SLC16A10: variants seen among roughly 807,000 people sequenced by gnomAD.
SLC16A10 encodes the protein monocarboxylate transporter 10.
SLC16A10 carries 27 observed loss-of-function variants against 40.0 expected under a neutral mutation model. The observed-to-expected ratio is 0.67, with a 90% CI of 0.50 to 0.93. The LOEUF is 0.93. Ranked by LOEUF, SLC16A10 falls within the 40% of genes least tolerant of loss-of-function variation. The pLI, the probability that SLC16A10 is intolerant of heterozygous loss-of-function variation, is 0.00. For missense variants in SLC16A10, 529 were observed against 658.2 expected, an observed-to-expected ratio of 0.80 and a Z score of 2.15; for synonymous variants, 213 against 249.8, an observed-to-expected ratio of 0.85 and a Z score of 1.39.
chr6:111,119,942 C>T (rs1165179992), intron 1 of SLC16A10, among the ~76,000 whole-genome samples: 1 of 152,178 alleles, frequency 6.6e-6, no homozygotes, highest in African/African-American at 2.4e-5. Flanking sequence ...GAATTTCTTT[C>T]AAACTATTAG....
At chr6:111,184,072 A>C (rs1772851631) in intron 3 of SLC16A10, among the ~76,000 whole-genome samples, 1 of 152,204 alleles carries the variant, frequency 6.6e-6, no homozygotes, top group African/African-American at 2.4e-5. Context: ...TCTCATCGGC[A>C]TGAAATGCTC....
intron 4 of SLC16A10, among the ~76,000 whole-genome samples, chr6:111,209,685 G>A (rs1356971936): frequency 6.6e-6 from 1 of 152,130 alleles, no homozygotes; most frequent in Non-Finnish European, 1.5e-5. Flanking sequence ...CTAAGGAGAT[G>A]GAAAGGGAGT....
chr6:111,219,036 A>G lies in SLC16A10; in HGVS notation c.1309A>G (p.Ile437Val). The change falls in exon 5 of 6, where the codon ATT becomes GTT. Residue 437 changes from isoleucine (I) to valine (V), a missense_variant. By Grantham distance (29) the Ile-to-Val change is conservative. Coordinates refer to ENST00000368851, the MANE Select transcript of SLC16A10 (RefSeq NM_018593.5). Reference sequence around the variant, plus strand: ...TATACCCATGACTGTTGGCCCACCCATTGCAGGTAAATATAATGATTCTCC... The same window carrying G: ...TATACCCATGACTGTTGGCCCACCCGTTGCAGGTAAATATAATGATTCTCC... ...MSIPMTVGPP[I>V]AGLLRDKLGS... 1.2e-6 allele frequency: 2 copies of G among 1,613,392 alleles called. No individual in the cohort carries two copies. The highest frequency in any genetic ancestry group is 1.7e-6 in the Non-Finnish European group (2 of 1,179,310).
At chr6:111,212,926 A>T (rs904069778) in intron 4 of SLC16A10, among the ~76,000 whole-genome samples, 1 of 152,162 alleles carries the variant, frequency 6.6e-6, no homozygotes, top group Admixed American at 6.5e-5. Context: ...TATATACTTT[A>T]TTGGGACAGG....
At chr6:111,188,184 A>C (rs1772931161) in intron 3 of SLC16A10, among the ~76,000 whole-genome samples, 1 of 152,108 alleles carries the variant, frequency 6.6e-6, no homozygotes, top group Non-Finnish European at 1.5e-5. Flanking sequence ...AAAGGCTTAA[A>C]ATATTAATTT....
Position 111,087,792 on chromosome 6 carries a change from A to C in SLC16A10, c.40A>C (p.Thr14Pro). The C allele has an allele frequency of 1.1e-5, 13 of 1,225,126 alleles. No homozygotes were observed. Among genetic ancestry groups the C allele is most frequent in the Non-Finnish European group, 4.1e-6 (4 of 984,800 alleles). 75.9% of individuals were successfully genotyped at this position (1,225,126 alleles called of 1,614,324 possible). A position where few individuals can be genotyped will look rare whatever the true frequency, so the allele number is the denominator to read the frequency against. Residue 14 changes from threonine to proline, a missense_variant, in exon 1 of 6, where the codon ACG (threonine) becomes CCG (proline). Transcript: ENST00000368851. ...SQEEPDSARG[T>P]SEAQPLGPAP... ...GGAGGAGCCGGACTCCGCGCGGGGC[A>C]CGAGCGAGGCGCAGCCGCTCGGCCC...
intron 1 of SLC16A10, among the ~76,000 whole-genome samples, chr6:111,163,120 C>T (rs1023678721): frequency 2.9e-4 from 42 of 146,236 alleles, no homozygotes; most frequent in Non-Finnish European, 5.3e-4. Context: ...TTGGTTATTT[C>T]TGAGCTTTAC....
chr6:111,112,198 TA>T lies in SLC16A10; in HGVS notation c.343+24112del, dbSNP rs1451401088. On this transcript the variant is annotated intron_variant, in intron 1 of 5. Coordinates refer to ENST00000368851, the MANE Select transcript of SLC16A10 (RefSeq NM_018593.5). ...GCATGCACCACCATGCCTGGCTAATTAAAAAAAAATTTTTTTTTTCTAGAGA... is the reference window on the plus strand; with the variant it reads ...GCATGCACCACCATGCCTGGCTAATTAAAAAAAATTTTTTTTTTCTAGAGA... Among the ~76,000 whole-genome samples the T allele has an allele frequency of 9.0e-4, 137 of 151,686 alleles. 1 individual carries two copies. Among genetic ancestry groups the T allele is most frequent in the African/African-American group, 3.2e-3 (133 of 41,388 alleles).
chr6:111,098,966 GTGTTA>G (rs947640650), intron 1 of SLC16A10, among the ~76,000 whole-genome samples: 5 of 152,134 alleles, frequency 3.3e-5, no homozygotes, highest in Non-Finnish European at 5.9e-5. Flanking sequence ...TTAGTTGTAG[GTGTTA>G]TGTTTTGTCT....
At chr6:111,130,325 A>C (rs904011813) in intron 1 of SLC16A10, among the ~76,000 whole-genome samples, 2 of 152,180 alleles carry the variant, frequency 1.3e-5, no homozygotes, top group Non-Finnish European at 2.9e-5. Flanking sequence ...CTTCTCTACT[A>C]TGGGAACTTG....
intron 1 of SLC16A10, among the ~76,000 whole-genome samples, chr6:111,132,258 AAG>A (rs1356795036): frequency 6.7e-6 from 1 of 148,518 alleles, no homozygotes; most frequent in Non-Finnish European, 1.5e-5. Flanking sequence ...CAAAGAGAAA[AAG>A]AAAGAGAAAG....
Position 111,119,407 on chromosome 6 carries a change from G to T in SLC16A10, c.343+31312G>T, listed in dbSNP as rs1289346301. ...TGTGACTGTATTTTAGTAAAACTTT[G>T]TTAGACGCTAACATTGGAATCTTAC... On this transcript the variant is annotated intron_variant, in intron 1 of 5. Transcript: ENST00000368851. 3.9e-5 allele frequency among the ~76,000 whole-genome samples: 6 copies of T among 152,248 alleles called. No homozygotes were observed. The East Asian group carries it at 1.2e-3, about 29-fold the overall frequency.
At chr6:111,153,892 T>C (rs1007506754) in intron 1 of SLC16A10, among the ~76,000 whole-genome samples, 2 of 152,366 alleles carry the variant, frequency 1.3e-5, no homozygotes, top group African/African-American at 4.8e-5. Context: ...TTTTAAATCT[T>C]GGTCCAGCCA....
Position 111,223,398 on chromosome 6 carries a change from AC to A in SLC16A10, c.*1166del, listed in dbSNP as rs1277090818. 4.6e-5 allele frequency: 7 copies of A among 152,066 alleles called. No individual in the cohort carries two copies. Among genetic ancestry groups the A allele is most frequent in the Non-Finnish European group, 5.9e-5 (4 of 68,008 alleles). The allele number at this position is 152,066 out of a possible 1,614,324, so 9.4% of individuals were successfully genotyped here. ...TCATAAGAAAGCTCTCAGTTTGAGGACCCAAAATAAAACCAAAGTCATGCCA... is the reference window on the plus strand; with the variant it reads ...TCATAAGAAAGCTCTCAGTTTGAGGACCAAAATAAAACCAAAGTCATGCCA... On this transcript the variant is annotated 3_prime_UTR_variant, in exon 6 of 6. Coordinates refer to ENST00000368851, the MANE Select transcript of SLC16A10 (RefSeq NM_018593.5).
intron 3 of SLC16A10, among the ~76,000 whole-genome samples, chr6:111,194,538 G>C (rs909393415): frequency 1.3e-5 from 2 of 152,112 alleles, no homozygotes; most frequent in Non-Finnish European, 2.9e-5. Flanking sequence ...GTCTGAGTGT[G>C]AACATCACCC....
intron 1 of SLC16A10, among the ~76,000 whole-genome samples, chr6:111,114,916 C>T (rs879924917): frequency 5.1e-4 from 78 of 152,176 alleles, no homozygotes; most frequent in African/African-American, 1.8e-3. Context: ...ATTCCATCGC[C>T]CAGGCTGGAG....
chr6:111,214,197 A>G (rs1373095357), intron 4 of SLC16A10, among the ~76,000 whole-genome samples: 1 of 152,208 alleles, frequency 6.6e-6, no homozygotes, highest in Non-Finnish European at 1.5e-5. Context: ...TATTTCCTTA[A>G]AGAAAACAAA....
At chr6:111,197,115 T>G (rs1773092041) in intron 3 of SLC16A10, among the ~76,000 whole-genome samples, 1 of 152,172 alleles carries the variant, frequency 6.6e-6, no homozygotes, top group Non-Finnish European at 1.5e-5. Context: ...ACAAATTAGA[T>G]TTATGGGTGC....
At chr6:111,169,919 C>T (rs4038677) in intron 1 of SLC16A10, among the ~76,000 whole-genome samples, 26 of 135,102 alleles carry the variant, frequency 1.9e-4, no homozygotes, top group Non-Finnish European at 2.5e-4. Flanking sequence ...TCTTTTCTTT[C>T]TTTTTTTTTT....
Sources: allele counts gnomAD v4.1 joint callset (sites outside exome capture counted in the v4.1 genomes callset), GRCh38; gene constraint gnomAD v4.1.1; transcripts MANE v1.5; gene names NCBI Gene and HGNC (gene_info 2026-07-23, HGNC 2026-07-21).